The following ZPLD1 variants were observed in gnomAD, a reference collection of about 807,000 sequenced individuals.
ZPLD1 encodes the protein zona pellucida like domain containing 1, also known as zona pellucida-like domain-containing protein 1.
In ZPLD1, 34 loss-of-function variants were observed where a neutral mutation model predicts 47.2. That is an observed-to-expected ratio of 0.72 (90% confidence interval 0.55 to 0.96). ZPLD1 has a LOEUF of 0.96. Among genes scored for constraint, ZPLD1 ranks in the 40% least tolerant of loss-of-function variants. The pLI, the probability that ZPLD1 is intolerant of heterozygous loss-of-function variation, is 0.00. For synonymous variants in ZPLD1, 176 were observed against 186.2 expected, an observed-to-expected ratio of 0.95 and a Z score of 0.45; for missense variants, 512 against 505.8, an observed-to-expected ratio of 1.01 and a Z score of -0.12.
Position 102,438,537 on chromosome 3 carries a change from G to A in ZPLD1, c.50G>A (p.Gly17Glu), listed in dbSNP as rs910451277. 1 of 1,613,842 alleles carries A rather than the reference G, an allele frequency of 6.2e-7. No homozygotes were observed. The highest frequency in any genetic ancestry group is 8.5e-7 in the Non-Finnish European group (1 of 1,179,836). Residue 17 changes from glycine to glutamate, a missense_variant, in exon 3 of 12, where the codon GGG becomes GAG. Transcript: ENST00000466937. ...LLLLTIRVLP[G>E]SAQFNGYNCD... ...CTTCTAACAATTAGAGTGCTTCCGG[G>A]GTCTGCTCAGTTCAACGGCTACAAC...
chr3:102,438,233 C>T (rs1464280319), intron 2 of ZPLD1, among the ~76,000 whole-genome samples: 1 of 152,166 alleles, frequency 6.6e-6, no homozygotes, highest in Non-Finnish European at 1.5e-5. Context: ...TACCTTAGCT[C>T]TTCTACTATG....
chr3:102,441,735 C>A (rs1576149685), intron 3 of ZPLD1, among the ~76,000 whole-genome samples: 1 of 152,014 alleles, frequency 6.6e-6, no homozygotes, highest in African/African-American at 2.4e-5. Flanking sequence ...CAAGCAGAGA[C>A]AACTCATTAC....
intron 6 of ZPLD1, among the ~76,000 whole-genome samples, chr3:102,460,624 GA>G (rs1436541895): frequency 1.3e-5 from 2 of 151,862 alleles, no homozygotes; most frequent in Non-Finnish European, 2.9e-5. Flanking sequence ...AAATGTTGGA[GA>G]AAAATTAAAA....
At chr3:102,471,550 A>G (rs1707686506) in intron 10 of ZPLD1, among the ~76,000 whole-genome samples, 1 of 152,194 alleles carries the variant, frequency 6.6e-6, no homozygotes, top group South Asian at 2.1e-4. Context: ...GCATACATGT[A>G]CCTACACACA....
At chr3:102,435,864 G>A (rs559927124) in intron 1 of ZPLD1, among the ~76,000 whole-genome samples, 1 of 152,090 alleles carries the variant, frequency 6.6e-6, no homozygotes, top group South Asian at 2.1e-4. Context: ...GGATGATCTC[G>A]ATCTCCTGAC....
chr3:102,456,378 A>T lies in ZPLD1; in HGVS notation c.509+4A>T. 6.2e-7 allele frequency: 1 copy of T among 1,609,014 alleles called. No homozygotes were observed. The highest frequency in any genetic ancestry group is 8.5e-7 in the Non-Finnish European group (1 of 1,177,796). ...TTAATAATACCCAGCTTGCTTCGTA[A>T]GTTTGCATTTTATTCCTGCTTTCTC... On this transcript the variant is annotated splice_donor_region_variant and intron_variant, in intron 5 of 11. Transcript: ENST00000466937.
intron 3 of ZPLD1, among the ~76,000 whole-genome samples, chr3:102,440,635 G>A (rs1707162266): frequency 1.3e-5 from 2 of 151,002 alleles, no homozygotes; most frequent in Non-Finnish European, 2.9e-5. Flanking sequence ...TGCTGTATGA[G>A]AGTTTATTCC....
intron 8 of ZPLD1, among the ~76,000 whole-genome samples, chr3:102,428,432 T>A (rs1355174987): frequency 1.3e-5 from 2 of 152,140 alleles, no homozygotes; most frequent in South Asian, 2.1e-4. Flanking sequence ...ATAGCTAGGC[T>A]CAAATCTAGT....
intron 8 of ZPLD1, among the ~76,000 whole-genome samples, chr3:102,422,721 A>T (rs1559746608): frequency 6.6e-6 from 1 of 152,056 alleles, no homozygotes; most frequent in Non-Finnish European, 1.5e-5. Flanking sequence ...ATGGATATAT[A>T]AAACAACTTA....
chr3:102,411,153 T>C (rs111639986), intron 7 of ZPLD1, among the ~76,000 whole-genome samples: 1 of 151,910 alleles, frequency 6.6e-6, no homozygotes, highest in African/African-American at 2.4e-5. Flanking sequence ...CAAAAGTTTG[T>C]TTTAAATAGA....
intron 8 of ZPLD1, among the ~76,000 whole-genome samples, chr3:102,419,397 T>C (rs1220010066): frequency 1.3e-5 from 2 of 151,934 alleles, no homozygotes; most frequent in Non-Finnish European, 2.9e-5. Context: ...TATATATTTT[T>C]GTTTTAGAGA....
chr3:102,435,221 T>G, intron 1 of ZPLD1, 67 bp downstream of exon 1: 1 of 1,559,144 alleles, frequency 6.4e-7, no homozygotes, highest in Non-Finnish European at 8.8e-7. Context: ...ACAGTTGAAC[T>G]ATAAAGAAGG....
At chr3:102,459,129 C>CAAAAAA (rs1707468230) in intron 6 of ZPLD1, among the ~76,000 whole-genome samples, 1 of 145,672 alleles carries the variant, frequency 6.9e-6, no homozygotes, top group African/African-American at 2.6e-5. Context: ...AGGAAGCTGC[C>CAAAAAA]AAGATACTTG....
rs544478932 is a variant in ZPLD1, at chr3:102,469,207, C to G, written c.933+72C>G. On this transcript the variant is annotated intron_variant, in intron 9 of 11. Coordinates refer to ENST00000466937, the MANE Select transcript of ZPLD1 (RefSeq NM_001329788.2). ...CTGAAAGGTTATCAAATGTCAGAAA[C>G]TAAGTTCTGCATAGAAAGTGGATAT... 49 of 1,476,616 alleles carry G rather than the reference C, an allele frequency of 3.3e-5. 1 individual carries two copies. The South Asian group carries it at 4.8e-4, about 15-fold the overall frequency. The allele number at this position is 1,476,616 out of a possible 1,614,324, so 91.5% of individuals were successfully genotyped here.
In ZPLD1 at chr3:102,398,874, G is replaced by A. The variant is rs571848607; in HGVS notation, c.-157+6649G>A. ...ACTTAGCTTGTGCTTTTATGCGTGC[G>A]CACGCACACACACACACACACACAC... is the stretch of plus-strand genomic sequence containing the variant. On this transcript the variant is annotated intron_variant, in intron 7 of 17. Transcript: ENST00000491959. Among the ~76,000 whole-genome samples, 622 of 145,050 alleles carry A rather than the reference G, an allele frequency of 4.3e-3. 3 individuals are homozygous for A. The highest frequency in any genetic ancestry group is 0.016 in the African/African-American group (589 of 37,768).
chr3:102,390,350 A>G (rs1215321466), intron 6 of ZPLD1, among the ~76,000 whole-genome samples: 1 of 152,192 alleles, frequency 6.6e-6, no homozygotes, highest in South Asian at 2.1e-4. Flanking sequence ...GTACCACCAT[A>G]CTATCAATGG....
chr3:102,476,712 AG>A (rs1559763967), intron 10 of ZPLD1, among the ~76,000 whole-genome samples: 1 of 152,140 alleles, frequency 6.6e-6, no homozygotes, highest in Non-Finnish European at 1.5e-5. Context: ...CAAAGTTGTC[AG>A]GCAAGAAAAC....
intron 6 of ZPLD1, among the ~76,000 whole-genome samples, chr3:102,388,182 C>T (rs1377785522): frequency 1.3e-5 from 2 of 152,020 alleles, no homozygotes; most frequent in Non-Finnish European, 2.9e-5. Flanking sequence ...AATTCTTTCT[C>T]GTTTTTTCTG....
At chr3:102,392,046 A>G (rs1309299938) in intron 6 of ZPLD1, 1 of 152,200 alleles carries the variant, frequency 6.6e-6, no homozygotes, top group Admixed American at 6.5e-5. Flanking sequence ...AACAAAGAAT[A>G]TGTGACAGAA....
Sources: allele counts gnomAD v4.1 joint callset (sites outside exome capture counted in the v4.1 genomes callset), GRCh38; gene constraint gnomAD v4.1.1; transcripts MANE v1.5; gene names NCBI Gene and HGNC (gene_info 2026-07-23, HGNC 2026-07-21).